The following MTR variants were observed in gnomAD, a reference collection of about 807,000 sequenced individuals.
MTR encodes 5-methyltetrahydrofolate-homocysteine methyltransferase.
MTR carries 84 observed loss-of-function variants against 154.8 expected under a neutral mutation model. The observed-to-expected ratio is 0.54, with a 90% CI of 0.45 to 0.65. The LOEUF (loss-of-function observed/expected upper bound fraction) is 0.65. Among genes scored for constraint, MTR ranks in the 30% least tolerant of loss-of-function variants. MTR has a pLI of 0.00. For synonymous variants in MTR, 554 were observed against 553.9 expected, an observed-to-expected ratio of 1.00 and a Z score of 0.00; for missense variants, 1,275 against 1,570.2, an observed-to-expected ratio of 0.81 and a Z score of 3.18.
chr1:236,874,707 T>TC lies in MTR; in HGVS notation c.2474-19_2474-18insC. The TC allele has an allele frequency of 7.5e-6, 9 of 1,203,930 alleles. No homozygotes were observed. The highest frequency in any genetic ancestry group is 1.0e-5 in the Non-Finnish European group (9 of 895,744). The allele number at this position is 1,203,930 out of a possible 1,614,324, so 74.6% of individuals were successfully genotyped here. A position where few individuals can be genotyped will look rare whatever the true frequency, so the allele number is the denominator to read the frequency against. On this transcript the variant is annotated intron_variant, in intron 23 of 32. Coordinates refer to ENST00000366577, the MANE Select transcript of MTR (RefSeq NM_000254.3). ...CACTGTCCTTTTTGTCCTTTTTTTT[T>TC]TAAAAAAAAAAAAAATAGATATAAT...
intron 1 of MTR, among the ~76,000 whole-genome samples, chr1:236,799,098 C>G (rs1660561585): frequency 6.6e-6 from 1 of 151,822 alleles, no homozygotes; most frequent in South Asian, 2.1e-4. Flanking sequence ...GAAAAATAAG[C>G]AAGTAGTTGA....
intron 15 of MTR, among the ~76,000 whole-genome samples, chr1:236,841,353 T>C (rs1663224660): frequency 6.6e-6 from 1 of 152,248 alleles, no homozygotes. Context: ...TCTCACTCTT[T>C]ATTTGTTTTC....
chr1:236,894,219 A>G, intron 29 of MTR, 138 bp from the exon 30 acceptor site: 1 of 757,512 alleles, frequency 1.3e-6, no homozygotes, highest in Non-Finnish European at 2.3e-6. Flanking sequence ...GGGATGTAAC[A>G]GTGCACAATA....
intron 1 of MTR, chr1:236,800,093 A>G (rs1660624288): frequency 3.0e-6 from 3 of 985,300 alleles, no homozygotes; most frequent in African/African-American, 1.7e-5. Context: ...GGCCCCATGG[A>G]AAAGTACTAA....
intron 18 of MTR, among the ~76,000 whole-genome samples, chr1:236,857,307 T>A (rs1664265827): frequency 6.6e-6 from 1 of 152,258 alleles, no homozygotes. Context: ...AATACCTTTA[T>A]ATTTGTCCTT....
At chr1:236,859,721 A>G (rs993837240) in intron 18 of MTR, 112 bp from the exon 19 acceptor site, 21 of 828,724 alleles carry the variant, frequency 2.5e-5, no homozygotes, top group African/African-American at 2.3e-4. Context: ...AGGGGCTGGA[A>G]AAGTAAAAGA....
In MTR at chr1:236,838,471, T is replaced by A; in HGVS notation, c.1387T>A (p.Cys463Ser). The stretch of plus-strand genomic sequence containing the variant: ...TGTGATTGAAGCTGGGTTAAAGTGC[T>A]GCCAAGGGAAGTGCATTGTCAATAG... ...FAVIEAGLKC[C>S]QGKCIVNSIS... is the part of the protein sequence containing the mutation. Residue 463 changes from cysteine (C) to serine (S), a missense_variant, in exon 15 of 33, where the codon TGC (cysteine) becomes AGC (serine). Transcript: ENST00000366577. 6.2e-7 allele frequency: 1 copy of A among 1,614,148 alleles called. No individual in the cohort carries two copies. The highest frequency in any genetic ancestry group is 1.1e-5 in the South Asian group (1 of 91,084).
At chr1:236,866,433 C>T (rs564683873) in intron 22 of MTR, among the ~76,000 whole-genome samples, 25 of 152,236 alleles carry the variant, frequency 1.6e-4, no homozygotes, top group Admixed American at 1.4e-3. Flanking sequence ...ATCTCTCTCC[C>T]TTTCCTCGGG....
intron 32 of MTR, among the ~76,000 whole-genome samples, chr1:236,897,337 C>CACACAT (rs2147964376): frequency 6.7e-6 from 1 of 150,350 alleles, no homozygotes; most frequent in East Asian, 2.0e-4. Context: ...CACACACACA[C>CACACAT]ACACACATAC....
chr1:236,808,860 T>G, intron 4 of MTR, 87 bp downstream of exon 4: 2 of 1,256,262 alleles, frequency 1.6e-6, no homozygotes, highest in South Asian at 2.4e-5. Context: ...AGTTTTTCCT[T>G]ATGTGGCCTT....
intron 22 of MTR, among the ~76,000 whole-genome samples, chr1:236,864,115 A>G (rs76522725): frequency 0.079 from 11,992 of 152,222 alleles, 962 homozygotes; most frequent in African/African-American, 0.2. Context: ...ATTCATAACA[A>G]AATCATTTGC....
intron 13 of MTR, among the ~76,000 whole-genome samples, chr1:236,833,396 T>C (rs1009957307): frequency 6.6e-6 from 1 of 152,252 alleles, no homozygotes. Context: ...CTAAGCACTT[T>C]ATGTCATTAC....
intron 15 of MTR, among the ~76,000 whole-genome samples, chr1:236,848,165 A>G (rs533380015): frequency 3.9e-5 from 6 of 152,330 alleles, no homozygotes; most frequent in South Asian, 2.1e-4. Flanking sequence ...TTTTGGTTCT[A>G]GAAATGAATT....
intron 30 of MTR, 32 bp from the exon 31 acceptor site, chr1:236,895,326 G>C (rs1343604524): frequency 6.4e-7 from 1 of 1,569,918 alleles, no homozygotes; most frequent in Non-Finnish European, 8.7e-7. Flanking sequence ...CCCTGCGTCT[G>C]CCTAAGCATG....
Position 236,859,918 on chromosome 1 carries a change from T to A in MTR, c.2039T>A (p.Val680Glu), listed in dbSNP as rs1363185369. 1 of 1,613,618 alleles carries A rather than the reference T, an allele frequency of 6.2e-7. No individual in the cohort carries two copies. Among genetic ancestry groups the A allele is most frequent in the Non-Finnish European group, 8.5e-7 (1 of 1,179,680 alleles). Residue 680 changes from valine (V) to glutamate (E), a missense_variant, in exon 19 of 33, where the codon GTG becomes GAG. By Grantham distance (121) the Val-to-Glu change is moderately radical. Coordinates refer to ENST00000366577, the MANE Select transcript of MTR (RefSeq NM_000254.3). ...PVEERLEYALVKGIEKHIIED... is the reference protein window; with the variant it reads ...PVEERLEYALEKGIEKHIIED... Reference sequence around the variant, plus strand: ...GAAGAACGCCTTGAGTATGCCCTTGTGAAGGTAAGTTACAGGGGCCTGAAC... The same window carrying A: ...GAAGAACGCCTTGAGTATGCCCTTGAGAAGGTAAGTTACAGGGGCCTGAAC...
intron 1 of MTR, chr1:236,800,094 A>G: frequency 1.0e-6 from 1 of 985,394 alleles, no homozygotes; most frequent in Non-Finnish European, 1.2e-6. Flanking sequence ...GCCCCATGGA[A>G]AAGTACTAAG....
chr1:236,877,872 G>T (rs1358119776), intron 24 of MTR, among the ~76,000 whole-genome samples: 1 of 152,110 alleles, frequency 6.6e-6, no homozygotes, highest in African/African-American at 2.4e-5. Context: ...GTTATTCCAC[G>T]TTCTTTTCAA....
At chr1:236,825,861 A>C (rs1260066950) in intron 10 of MTR, among the ~76,000 whole-genome samples, 1 of 152,124 alleles carries the variant, frequency 6.6e-6, no homozygotes, top group East Asian at 1.9e-4. Flanking sequence ...CTTAGCTACT[A>C]ATCCCTGGGT....
chr1:236,871,382 C>T (rs1235162172), intron 22 of MTR, among the ~76,000 whole-genome samples: 1 of 152,130 alleles, frequency 6.6e-6, no homozygotes, highest in African/African-American at 2.4e-5. Flanking sequence ...CTTACTCTTC[C>T]TTAAACATGG....
Sources: allele counts gnomAD v4.1 joint callset (sites outside exome capture counted in the v4.1 genomes callset), GRCh38; gene constraint gnomAD v4.1.1; transcripts MANE v1.5; gene names NCBI Gene and HGNC (gene_info 2026-07-23, HGNC 2026-07-21).